SGSM3: variants seen among roughly 807,000 people sequenced by gnomAD.
SGSM3 encodes the protein small G protein signaling modulator 3.
In SGSM3, 96 loss-of-function variants were observed where a neutral mutation model predicts 100.5. The observed-to-expected ratio is 0.96, with a 90% CI of 0.81 to 1.13. The LOEUF is 1.13. SGSM3 is among the 50% of genes most tolerant of loss of function. The probability of loss-of-function intolerance (pLI) is 0.00; values close to 1 mark genes in which losing one functional copy is unlikely to be tolerated. For missense variants in SGSM3, 1,001 were observed against 1,015.8 expected (o/e 0.99, Z 0.20); for synonymous variants, 483 against 422.8 (o/e 1.14, Z -1.75).
In SGSM3 at chr22:40,407,716, T is replaced by C. The variant is rs1016644021; in HGVS notation, c.1525-73T>C. The C allele has an allele frequency of 1.2e-5, 19 of 1,588,814 alleles. No homozygotes were observed. The African/African-American group carries it at 2.6e-4, about 21-fold the overall frequency. ...TTGGCCTGGCCTAGTTGCTGAGGAGTCATATCGGGGGTGCAGGAGGCGCTG... is the reference window on the plus strand; with the variant it reads ...TTGGCCTGGCCTAGTTGCTGAGGAGCCATATCGGGGGTGCAGGAGGCGCTG... On this transcript the variant is annotated intron_variant, in intron 13 of 21. Coordinates refer to ENST00000248929, the MANE Select transcript of SGSM3 (RefSeq NM_015705.6). The surrounding 1 kb of genome is among the most constrained non-coding windows in gnomAD (Gnocchi z 4.7).
chr22:40,372,140 T>C (rs1262263684), intron 1 of SGSM3, among the ~76,000 whole-genome samples: 1 of 138,740 alleles, frequency 7.2e-6, no homozygotes. Context: ...TTTTTTTTTT[T>C]TTTTGAGACG....
chr22:40,407,318 A>ACTGCAGCGTGGT lies in SGSM3; in HGVS notation c.1359_1368+2dup. ...CACTTCCAGTGCACAGACCCCAAAA[A>ACTGCAGCGTGGT]CTGCAGCGTGGTGAGTCGCCAGCTC... On this transcript the variant is annotated inframe_insertion, in exon 12 of 22. Coordinates refer to ENST00000248929, the MANE Select transcript of SGSM3 (RefSeq NM_015705.6). This position sits in a 1 kb window ranked among gnomAD's most constrained non-coding sequence, Gnocchi z 4.7. 1 of 1,613,408 alleles carries ACTGCAGCGTGGT rather than the reference A, an allele frequency of 6.2e-7. No individual in the cohort carries two copies. Among genetic ancestry groups the ACTGCAGCGTGGT allele is most frequent in the Non-Finnish European group, 8.5e-7 (1 of 1,179,962 alleles).
intron 1 of SGSM3, among the ~76,000 whole-genome samples, chr22:40,371,546 A>G (rs2045483164): frequency 6.6e-6 from 1 of 152,154 alleles, no homozygotes; most frequent in Admixed American, 6.5e-5. Context: ...TTTTTGTGAC[A>G]GGTTTGTGAT....
At chr22:40,400,879 A>C in intron 2 of SGSM3, 66 bp downstream of exon 2, 1 of 1,449,844 alleles carries the variant, frequency 6.9e-7, no homozygotes, top group Non-Finnish European at 9.2e-7. Flanking sequence ...GAGGGATGGA[A>C]GGTGGCTTGT....
Position 40,404,672 on chromosome 22 carries a change from C to G in SGSM3, c.474+8C>G. ...ACCATCGCTGCCAAGCAGGTGAGGC[C>G]GGTGGCACTGTGCAGGAAGAGCTGG... On this transcript the variant is annotated splice_region_variant and intron_variant, in intron 6 of 21. Transcript: ENST00000248929. The G allele has an allele frequency of 6.3e-7, 1 of 1,595,420 alleles. No individual in the cohort carries two copies. The highest frequency in any genetic ancestry group is 1.1e-5 in the South Asian group (1 of 90,010).
chr22:40,400,459 A>T (rs2050601894), intron 1 of SGSM3, among the ~76,000 whole-genome samples: 1 of 152,124 alleles, frequency 6.6e-6, no homozygotes, highest in African/African-American at 2.4e-5. Context: ...CCTGGCCAAT[A>T]TGGTGAAACC....
intron 6 of SGSM3, 163 bp from the exon 7 acceptor site, chr22:40,404,978 C>G (rs2051262644): frequency 2.0e-6 from 1 of 502,748 alleles, no homozygotes; most frequent in South Asian, 8.5e-5. Flanking sequence ...ATTTGATGTC[C>G]CGGCTCCACA....
chr22:40,382,586 A>G (rs1002787130), intron 1 of SGSM3, among the ~76,000 whole-genome samples: 7 of 152,176 alleles, frequency 4.6e-5, no homozygotes, highest in African/African-American at 7.2e-5. Context: ...CATTTTTATG[A>G]CATAACCTCA....
intron 1 of SGSM3, among the ~76,000 whole-genome samples, chr22:40,396,592 C>CAAAAAA (rs778373023): frequency 2.2e-5 from 1 of 44,452 alleles, no homozygotes; most frequent in Non-Finnish European, 4.9e-5. Context: ...GACTCTGTCT[C>CAAAAAA]AAAAAAAAAA....
At position 40,392,347 on chromosome 22, in the gene SGSM3, G is replaced by A. The variant is rs1368120822; in HGVS notation, c.-111-8349G>A. ...GCTTAGGAAGTTCCTGACTTCACAG[G>A]TTGCTAAGATGTCAAACTCATGCAG... On this transcript the variant is annotated intron_variant, in intron 1 of 21. Transcript: ENST00000248929. Among the ~76,000 whole-genome samples the A allele has an allele frequency of 2.0e-5, 3 of 151,778 alleles. No homozygotes were observed. In the East Asian group the frequency reaches 5.8e-4, roughly 29 times the overall value.
At position 40,407,599 on chromosome 22, in the gene SGSM3, C is replaced by CA. The variant is rs1201035794; in HGVS notation, c.1524+32dup. 2 of 1,596,610 alleles carry CA rather than the reference C, an allele frequency of 1.3e-6. No individual in the cohort carries two copies. The highest frequency in any genetic ancestry group is 2.7e-5 in the African/African-American group (2 of 74,828). On this transcript the variant is annotated intron_variant, in intron 13 of 21. Transcript: ENST00000248929. The surrounding 1 kb of genome is among the most constrained non-coding windows in gnomAD (Gnocchi z 4.7). ...TGGGGGCGCTGGACTACCAGGTCCT[C>CA]AGGCTGTGGCGGGTTCCCCAGACTC...
chr22:40,401,052 G>A (rs1043091441), intron 2 of SGSM3, among the ~76,000 whole-genome samples: 9 of 152,120 alleles, frequency 5.9e-5, no homozygotes, highest in African/African-American at 1.7e-4. Context: ...GAAAGAGGCC[G>A]GAAGATGAAG....
chr22:40,405,535 A>AGCAT, intron 7 of SGSM3, 114 bp from the exon 8 acceptor site: 1 of 1,028,236 alleles, frequency 9.7e-7, no homozygotes, highest in Non-Finnish European at 1.4e-6. Flanking sequence ...CCTGGGTTCC[A>AGCAT]GCATGCGTGC....
intron 1 of SGSM3, among the ~76,000 whole-genome samples, chr22:40,394,570 C>T (rs766425811): frequency 2.7e-5 from 4 of 147,726 alleles, no homozygotes; most frequent in Non-Finnish European, 5.9e-5. Flanking sequence ...CGCTTGAACC[C>T]GGGAGGTGGA....
intron 1 of SGSM3, among the ~76,000 whole-genome samples, chr22:40,389,633 C>A (rs978579258): frequency 1.4e-5 from 2 of 138,850 alleles, no homozygotes; most frequent in Non-Finnish European, 3.1e-5. Flanking sequence ...AAGGGCCGGG[C>A]GCGGTGGCTC....
chr22:40,387,448 T>C, intron 1 of SGSM3: 1 of 366,362 alleles, frequency 2.7e-6, no homozygotes, highest in Non-Finnish European at 4.8e-6. Context: ...ATATGAAAAA[T>C]AGCAACTGTG....
rs945895089 is a variant in SGSM3 at position 40,407,843 on chromosome 22, G to T, written c.1579G>T (p.Gly527Cys). Residue 527 changes from glycine (G) to cysteine (C), a missense_variant and splice_region_variant, in exon 14 of 22, where the codon GGC (glycine) becomes TGC (cysteine). Transcript: ENST00000248929. This position sits in a 1 kb window ranked among gnomAD's most constrained non-coding sequence, Gnocchi z 4.7. ...GGTGGGGGAGCTCAACGGCCTGCGA[G>T]GTGGGGTCCTTGGTCTGCTCTTGAG... ...CWVGELNGLR[G>C]WFPAKFVEVL... The T allele has an allele frequency of 5.0e-6, 8 of 1,611,592 alleles. No homozygotes were observed. The highest frequency in any genetic ancestry group is 6.8e-6 in the Non-Finnish European group (8 of 1,178,838).
chr22:40,408,760 C>T (rs1005159491), intron 17 of SGSM3, 34 bp from the exon 18 acceptor site: 1 of 1,613,844 alleles, frequency 6.2e-7, no homozygotes, highest in South Asian at 1.1e-5. Context: ...CCTGACCCAG[C>T]CCCGGCACCC....
chr22:40,402,549 A>G (rs1173618066), intron 4 of SGSM3, among the ~76,000 whole-genome samples: 1 of 152,152 alleles, frequency 6.6e-6, no homozygotes, highest in Non-Finnish European at 1.5e-5. Context: ...AGACCAACCT[A>G]GCTAACATGG....
Sources: gnomAD v4.1 joint callset for allele counts (sites outside exome capture counted in the v4.1 genomes callset) on GRCh38, gnomAD v4.1.1 for gene constraint, Gnocchi (gnomAD v3.1) non-coding constraint, MANE v1.5 for transcripts, NCBI Gene and HGNC (gene_info 2026-07-23, HGNC 2026-07-21) for gene names.